MB21D2: variants seen among roughly 807,000 people sequenced by gnomAD.
MB21D2 encodes nucleotidyltransferase MB21D2.
A neutral mutation model predicts 33.3 loss-of-function variants in MB21D2; 9 were observed. The observed-to-expected ratio is 0.27, with a 90% CI of 0.16 to 0.47. The LOEUF (loss-of-function observed/expected upper bound fraction) is 0.47, where lower values mean the gene tolerates loss of function less well. Among genes scored for constraint, MB21D2 ranks in the 20% least tolerant of loss-of-function variants. MB21D2 has a pLI of 0.99. For synonymous variants in MB21D2, 241 were observed against 236.3 expected, an observed-to-expected ratio of 1.02 and a Z score of -0.18; for missense variants, 540 against 624.6, an observed-to-expected ratio of 0.86 and a Z score of 1.44.
intron 1 of MB21D2, among the ~76,000 whole-genome samples, chr3:192,807,084 A>G (rs2108610525): frequency 6.6e-6 from 1 of 152,326 alleles, no homozygotes; most frequent in South Asian, 2.1e-4. Flanking sequence ...GTTTGTTGGC[A>G]CATGCATACA....
chr3:192,879,028 C>T (rs1160454875), intron 1 of MB21D2, among the ~76,000 whole-genome samples: 1 of 152,096 alleles, frequency 6.6e-6, no homozygotes, highest in African/African-American at 2.4e-5. Flanking sequence ...AGCCCCCACC[C>T]TCCTCAAAAA....
chr3:192,827,118 G>T (rs544788483), intron 1 of MB21D2, among the ~76,000 whole-genome samples: 1 of 152,024 alleles, frequency 6.6e-6, no homozygotes, highest in Admixed American at 6.6e-5. Flanking sequence ...GGATGGTCTC[G>T]ATCTCCTGAC....
At chr3:192,892,463 T>C (rs1713871170) in intron 1 of MB21D2, among the ~76,000 whole-genome samples, 1 of 152,224 alleles carries the variant, frequency 6.6e-6, no homozygotes, top group Non-Finnish European at 1.5e-5. Flanking sequence ...TTTTTATTTT[T>C]ATTTGGGATA....
chr3:192,859,892 G>C (rs967687927), intron 1 of MB21D2, among the ~76,000 whole-genome samples: 45 of 152,224 alleles, frequency 3.0e-4, no homozygotes, highest in Admixed American at 2.4e-3. Context: ...TGGGGGAAGT[G>C]TGGGGCTGGA....
intron 1 of MB21D2, among the ~76,000 whole-genome samples, chr3:192,801,542 G>C (rs919651180): frequency 6.6e-6 from 1 of 152,160 alleles, no homozygotes; most frequent in Non-Finnish European, 1.5e-5. Context: ...TCAGGCGTGA[G>C]AGTGGAACCC....
chr3:192,857,131 AGATT>A (rs1280782090), intron 1 of MB21D2, among the ~76,000 whole-genome samples: 1 of 152,234 alleles, frequency 6.6e-6, no homozygotes, highest in African/African-American at 2.4e-5. Context: ...ATGAATAAAT[AGATT>A]AAGAAACCCA....
chr3:192,890,491 G>A (rs1713827533), intron 1 of MB21D2, among the ~76,000 whole-genome samples: 2 of 151,628 alleles, frequency 1.3e-5, no homozygotes, highest in South Asian at 2.1e-4. Context: ...GTCTGATGGG[G>A]CATCAGGACA....
At chr3:192,862,146 G>C (rs1381323918) in intron 1 of MB21D2, among the ~76,000 whole-genome samples, 3 of 152,198 alleles carry the variant, frequency 2.0e-5, no homozygotes, top group East Asian at 3.8e-4. Flanking sequence ...AGACTCCCTG[G>C]AAGGAAATGT....
rs1314869928 is a variant in MB21D2 at position 192,917,760 on chromosome 3, G to C, written c.81C>G (p.Phe27Leu). 6.2e-7 allele frequency: 1 copy of C among 1,614,010 alleles called. No homozygotes were observed. Among genetic ancestry groups the C allele is most frequent in the South Asian group, 1.1e-5 (1 of 91,068 alleles). Reference sequence around the variant, plus strand: ...ATTCCTCCACCCGAGCTCCCGACCTGAAATCCAGCTCCGGGAACGCAGGCT... The same window carrying C: ...ATTCCTCCACCCGAGCTCCCGACCTCAAATCCAGCTCCGGGAACGCAGGCT... ...NNKPAFPELD[F>L]RSGARVEELN... The change falls in exon 1 of 2, where the codon TTC (phenylalanine) becomes TTG (leucine). Residue 27 changes from phenylalanine to leucine, a missense_variant. Physicochemically the swap from Phe to Leu is conservative, Grantham distance 22. Transcript: ENST00000392452.
Sources: gnomAD v4.1 joint callset for allele counts (sites outside exome capture counted in the v4.1 genomes callset) on GRCh38, gnomAD v4.1.1 for gene constraint, MANE v1.5 for transcripts, NCBI Gene and HGNC (gene_info 2026-07-23, HGNC 2026-07-21) for gene names.